LMNTD1: variants seen among roughly 807,000 people sequenced by gnomAD.
The protein encoded by LMNTD1 is lamin tail domain containing 1.
A neutral mutation model predicts 50.9 loss-of-function variants in LMNTD1; 35 were observed. The ratio of observed to expected loss-of-function variants is 0.69; its 90% CI spans 0.53 to 0.91. The LOEUF (loss-of-function observed/expected upper bound fraction) is 0.91, where lower values mean the gene tolerates loss of function less well. LMNTD1 is among the 40% of genes least tolerant of loss of function. The probability of loss-of-function intolerance (pLI) is 0.00; values close to 1 mark genes in which losing one functional copy is unlikely to be tolerated. For missense variants in LMNTD1, 470 were observed against 475.5 expected, an observed-to-expected ratio of 0.99 and a Z score of 0.11; for synonymous variants, 153 against 161.9, an observed-to-expected ratio of 0.94 and a Z score of 0.42.
At chr12:25,582,716 T>C (rs1945345043) in intron 1 of LMNTD1, among the ~76,000 whole-genome samples, 1 of 152,246 alleles carries the variant, frequency 6.6e-6, no homozygotes, top group Non-Finnish European at 1.5e-5. Flanking sequence ...TTGATTTTCA[T>C]AATCATTTTT....
chr12:25,539,615 G>C (rs1279872921), intron 4 of LMNTD1, among the ~76,000 whole-genome samples: 1 of 151,704 alleles, frequency 6.6e-6, no homozygotes, highest in Admixed American at 6.6e-5. Context: ...GCCCACAAGA[G>C]AAAGCAGGAA....
At chr12:25,561,216 T>C (rs1418750587) in intron 1 of LMNTD1, among the ~76,000 whole-genome samples, 1 of 152,218 alleles carries the variant, frequency 6.6e-6, no homozygotes, top group Non-Finnish European at 1.5e-5. Context: ...GCTTCTCTAG[T>C]TCTTTTAATT....
intron 1 of LMNTD1, among the ~76,000 whole-genome samples, chr12:25,602,491 G>A (rs1946003727): frequency 6.6e-6 from 1 of 151,980 alleles, no homozygotes; most frequent in Non-Finnish European, 1.5e-5. Context: ...TGCTGACATG[G>A]TCAGGAAGTC....
chr12:25,597,904 C>T (rs930817446), intron 1 of LMNTD1, among the ~76,000 whole-genome samples: 3 of 152,104 alleles, frequency 2.0e-5, no homozygotes, highest in African/African-American at 4.8e-5. Context: ...CCAAGTCTCA[C>T]CTTGAATTGT....
At chr12:25,612,721 T>G (rs1321248748) in intron 1 of LMNTD1, among the ~76,000 whole-genome samples, 1 of 152,088 alleles carries the variant, frequency 6.6e-6, no homozygotes, top group African/African-American at 2.4e-5. Context: ...ATATATATTT[T>G]TAAATGTCCC....
upstream of LMNTD1, among the ~76,000 whole-genome samples, chr12:25,557,767 A>C (rs544947309): frequency 2.0e-5 from 3 of 152,272 alleles, no homozygotes; most frequent in South Asian, 6.2e-4. Flanking sequence ...ACAAAATAAC[A>C]CCCAACAAAT....
intron 1 of LMNTD1, among the ~76,000 whole-genome samples, chr12:25,611,240 T>C (rs532556647): frequency 6.6e-6 from 1 of 152,198 alleles, no homozygotes; most frequent in Non-Finnish European, 1.5e-5. Context: ...AGAAATCATA[T>C]GTTTAGGTGT....
intron 4 of LMNTD1, among the ~76,000 whole-genome samples, chr12:25,527,657 TATATATATATATATATATATATATAC>T (rs1213661562): frequency 4.3e-5 from 1 of 23,376 alleles, no homozygotes; most frequent in Non-Finnish European, 9.6e-5. Context: ...TATATATATA[TATATATATATATATATATATATATAC>T]ACACACACAC....
intron 4 of LMNTD1, among the ~76,000 whole-genome samples, chr12:25,534,647 C>A (rs1591939478): frequency 6.6e-6 from 1 of 152,190 alleles, no homozygotes; most frequent in East Asian, 1.9e-4. Flanking sequence ...TGAGTAAATG[C>A]CCCAAGACTG....
At chr12:25,592,259 C>T (rs148488758) in intron 1 of LMNTD1, among the ~76,000 whole-genome samples, 17 of 152,270 alleles carry the variant, frequency 1.1e-4, no homozygotes, top group African/African-American at 3.4e-4. Context: ...CAGAGCAGCA[C>T]GTGGAGGCTT....
At chr12:25,509,452 A>G (rs1940091499) in intron 8 of LMNTD1, among the ~76,000 whole-genome samples, 1 of 152,178 alleles carries the variant, frequency 6.6e-6, no homozygotes, top group South Asian at 2.1e-4. Flanking sequence ...ATATTACAAC[A>G]TGTATTTTTG....
At chr12:25,583,899 T>A (rs1244869192) in intron 1 of LMNTD1, among the ~76,000 whole-genome samples, 3 of 152,190 alleles carry the variant, frequency 2.0e-5, no homozygotes, top group Non-Finnish European at 4.4e-5. Context: ...TGTCATGATC[T>A]GGCTTGTGTC....
chr12:25,595,015 T>C (rs1945812389), intron 1 of LMNTD1, among the ~76,000 whole-genome samples: 1 of 152,090 alleles, frequency 6.6e-6, no homozygotes, highest in African/African-American at 2.4e-5. Flanking sequence ...AAAGGCCTTG[T>C]CCAACAGGAA....
chr12:25,519,216 C>G (rs1941049623), intron 7 of LMNTD1, among the ~76,000 whole-genome samples: 2 of 152,184 alleles, frequency 1.3e-5, no homozygotes, highest in African/African-American at 4.8e-5. Flanking sequence ...CTCCCTCCAC[C>G]TAAGCACTGC....
chr12:25,572,858 A>T (rs989171557), intron 1 of LMNTD1, among the ~76,000 whole-genome samples: 1 of 137,770 alleles, frequency 7.3e-6, no homozygotes, highest in African/African-American at 2.8e-5. Flanking sequence ...AAAAACAGCT[A>T]TACTGCTTTA....
At chr12:25,618,955 C>T (rs1019774567) in intron 1 of LMNTD1, among the ~76,000 whole-genome samples, 23 of 152,048 alleles carry the variant, frequency 1.5e-4, no homozygotes, top group African/African-American at 2.2e-4. Flanking sequence ...CAATGTGAAA[C>T]GATTTACCGC....
chr12:25,601,162 T>G (rs1945961884), intron 1 of LMNTD1, among the ~76,000 whole-genome samples: 1 of 152,044 alleles, frequency 6.6e-6, no homozygotes, highest in Non-Finnish European at 1.5e-5. Flanking sequence ...TGGATGGAAC[T>G]GGAGATCGTT....
intron 1 of LMNTD1, among the ~76,000 whole-genome samples, chr12:25,579,709 AG>A (rs1355605892): frequency 6.6e-6 from 1 of 152,138 alleles, no homozygotes; most frequent in Non-Finnish European, 1.5e-5. Context: ...AAATTGCTCA[AG>A]CCAAGAGCTT....
intron 1 of LMNTD1, among the ~76,000 whole-genome samples, chr12:25,559,262 T>A (rs564604286): frequency 1.3e-5 from 2 of 152,272 alleles, no homozygotes; most frequent in South Asian, 2.1e-4. Flanking sequence ...GTTCTCATTG[T>A]TCAATTCCCA....
Sources: gnomAD v4.1 joint callset for allele counts (sites outside exome capture counted in the v4.1 genomes callset) on GRCh38, gnomAD v4.1.1 for gene constraint, MANE v1.5 for transcripts, NCBI Gene and HGNC (gene_info 2026-07-23, HGNC 2026-07-21) for gene names.